WWOX: variants seen among roughly 807,000 people sequenced by gnomAD.
WWOX encodes the protein WW domain-containing oxidoreductase.
A neutral mutation model predicts 46.2 loss-of-function variants in WWOX; 69 were observed. The observed-to-expected ratio is 1.49, with a 90% CI of 1.23 to 1.82. The LOEUF (loss-of-function observed/expected upper bound fraction) is 1.82. Among genes scored for constraint, WWOX ranks in the 40% most tolerant of loss-of-function variants. The pLI, the probability that WWOX is intolerant of heterozygous loss-of-function variation, is 0.00. For synonymous variants in WWOX, 359 were observed against 202.6 expected (o/e 1.77, Z -6.56); for missense variants, 919 against 542.6 (o/e 1.69, Z -6.89).
At chr16:78,749,325 T>A (rs1487924712) in intron 8 of WWOX, among the ~76,000 whole-genome samples, 1 of 152,062 alleles carries the variant, frequency 6.6e-6, no homozygotes, top group Admixed American at 6.5e-5. Context: ...GGGAAAAAAA[T>A]GGACTTTCAA....
chr16:78,114,877 G>A (rs2032692609), intron 3 of WWOX, 99 bp from the exon 4 acceptor site: 1 of 1,486,068 alleles, frequency 6.7e-7, no homozygotes, highest in African/African-American at 1.4e-5. Context: ...AAGCATTTTG[G>A]TCTATGAAAA....
intron 8 of WWOX, among the ~76,000 whole-genome samples, chr16:78,903,537 G>A (rs1233931287): frequency 6.6e-6 from 1 of 152,166 alleles, no homozygotes; most frequent in Non-Finnish European, 1.5e-5. Flanking sequence ...CTGCAGAAAA[G>A]GTAAGGGGTT....
At chr16:78,671,009 G>T (rs938943626) in intron 8 of WWOX, among the ~76,000 whole-genome samples, 2 of 152,026 alleles carry the variant, frequency 1.3e-5, no homozygotes, top group East Asian at 3.9e-4. Context: ...TGCCAAGGCT[G>T]TGGCTACACC....
chr16:78,652,528 C>G (rs2046990251), intron 8 of WWOX, among the ~76,000 whole-genome samples: 1 of 151,812 alleles, frequency 6.6e-6, no homozygotes, highest in Admixed American at 6.6e-5. Context: ...ATAAATTATG[C>G]AGACCCCTCA....
intron 5 of WWOX, among the ~76,000 whole-genome samples, chr16:78,360,916 G>T (rs1361724593): frequency 6.6e-6 from 1 of 151,850 alleles, no homozygotes; most frequent in Non-Finnish European, 1.5e-5. Flanking sequence ...CACCTCCTAG[G>T]CTCAAGCGAT....
intron 1 of WWOX, among the ~76,000 whole-genome samples, chr16:78,102,157 C>T (rs1174618524): frequency 9.9e-5 from 15 of 152,134 alleles, no homozygotes; most frequent in Admixed American, 9.8e-4. Flanking sequence ...TGAACTCAAG[C>T]CAGCCTCCCT....
chr16:78,510,619 C>CA (rs1313453639), intron 8 of WWOX, among the ~76,000 whole-genome samples: 1 of 152,210 alleles, frequency 6.6e-6, no homozygotes, highest in African/African-American at 2.4e-5. Flanking sequence ...GAGTTGGGCA[C>CA]AAATCCATGA....
At chr16:79,164,067 C>G (rs986124638) in intron 8 of WWOX, among the ~76,000 whole-genome samples, 3 of 152,128 alleles carry the variant, frequency 2.0e-5, no homozygotes, top group African/African-American at 7.2e-5. Flanking sequence ...TCGCGTTCAC[C>G]CATTCAGTTT....
chr16:78,976,663 G>A (rs191299226), intron 8 of WWOX, among the ~76,000 whole-genome samples: 83 of 152,292 alleles, frequency 5.5e-4, no homozygotes, highest in Admixed American at 2.0e-3. Flanking sequence ...TTAATGTGAC[G>A]CTGAAATAAA....
chr16:78,637,502 G>T (rs1337898652), intron 8 of WWOX, among the ~76,000 whole-genome samples: 1 of 151,928 alleles, frequency 6.6e-6, no homozygotes, highest in Non-Finnish European at 1.5e-5. Flanking sequence ...AAGATACCCA[G>T]CCAATGGTCC....
chr16:78,899,549 G>A (rs545610758), intron 8 of WWOX: 1 of 152,256 alleles, frequency 6.6e-6, no homozygotes, highest in East Asian at 1.9e-4. Context: ...GAAACAGTGG[G>A]TTTATATTTC....
At chr16:78,161,087 G>C (rs2034776953) in intron 4 of WWOX, among the ~76,000 whole-genome samples, 1 of 151,746 alleles carries the variant, frequency 6.6e-6, no homozygotes, top group East Asian at 1.9e-4. Context: ...AATTAGTACA[G>C]CTATATCAGA....
chr16:78,976,016 G>A (rs1170224534), intron 8 of WWOX, among the ~76,000 whole-genome samples: 1 of 152,148 alleles, frequency 6.6e-6, no homozygotes, highest in African/African-American at 2.4e-5. Context: ...GAGATGCCAT[G>A]TCCTTTCAAT....
rs559699651 is a variant in WWOX at position 79,100,493 on chromosome 16, T to C, written c.1057-111115T>C. Among the ~76,000 whole-genome samples, 30 of 152,284 alleles carry C rather than the reference T, an allele frequency of 2.0e-4. No individual in the cohort carries two copies. In the South Asian group the frequency reaches 5.8e-3, roughly 29 times the overall value. On this transcript the variant is annotated intron_variant, in intron 8 of 8. Coordinates refer to ENST00000566780, the MANE Select transcript of WWOX (RefSeq NM_016373.4). ...AAATCTTACAGGCTTGTGTTGGCTTTGACCAATGAAGTAGAACAAGACCTC... is the reference window on the plus strand; with the variant it reads ...AAATCTTACAGGCTTGTGTTGGCTTCGACCAATGAAGTAGAACAAGACCTC...
chr16:78,929,351 A>G (rs925807203), intron 8 of WWOX, among the ~76,000 whole-genome samples: 2 of 152,046 alleles, frequency 1.3e-5, no homozygotes, highest in Non-Finnish European at 2.9e-5. Context: ...GTTTCTATAT[A>G]GTGCATATTT....
chr16:78,810,370 C>G (rs897506315), intron 8 of WWOX, among the ~76,000 whole-genome samples: 1 of 152,204 alleles, frequency 6.6e-6, no homozygotes, highest in East Asian at 1.9e-4. Context: ...TATGTGGACA[C>G]ATGCAGCCAC....
intron 8 of WWOX, among the ~76,000 whole-genome samples, chr16:78,860,101 T>C (rs1322740625): frequency 6.6e-6 from 1 of 152,208 alleles, no homozygotes; most frequent in Non-Finnish European, 1.5e-5. Context: ...CACATAAACT[T>C]TTGGCTGGAA....
chr16:78,615,849 C>T (rs971429918), intron 8 of WWOX, among the ~76,000 whole-genome samples: 2 of 151,488 alleles, frequency 1.3e-5, no homozygotes, highest in African/African-American at 2.4e-5. Flanking sequence ...CTCCCGAGTT[C>T]ACGCCATTCT....
intron 5 of WWOX, among the ~76,000 whole-genome samples, chr16:78,284,901 C>T (rs988189291): frequency 3.9e-5 from 6 of 152,126 alleles, no homozygotes; most frequent in South Asian, 2.1e-4. Context: ...GTATTAGTTT[C>T]GTTTTCTCAA....
Sources: gnomAD v4.1 joint callset for allele counts (sites outside exome capture counted in the v4.1 genomes callset) on GRCh38, gnomAD v4.1.1 for gene constraint, MANE v1.5 for transcripts, NCBI Gene and HGNC (gene_info 2026-07-23, HGNC 2026-07-21) for gene names.